The following NAV3 variants were observed in gnomAD, a reference collection of about 807,000 sequenced individuals.
NAV3 encodes neuron navigator 3, also known as pore membrane and/or filament interacting like protein 1.
A neutral mutation model predicts 244.7 loss-of-function variants in NAV3; 87 were observed. That is an observed-to-expected ratio of 0.36 (90% CI 0.30 to 0.42). The LOEUF (loss-of-function observed/expected upper bound fraction) is 0.42. Ranked by LOEUF, NAV3 falls within the 20% of genes least tolerant of loss-of-function variation. The pLI is 1.00. For missense variants in NAV3, 2,663 were observed against 2,893.3 expected (o/e 0.92, Z 1.83); for synonymous variants, 1,126 against 1,042.2 (o/e 1.08, Z -1.55).
chr12:77,856,152 T>C (rs1193441642), intron 1 of NAV3, among the ~76,000 whole-genome samples: 4 of 152,332 alleles, frequency 2.6e-5, no homozygotes, highest in East Asian at 1.9e-4. Flanking sequence ...ATATAACTGG[T>C]AATTCTTTTT....
chr12:77,626,964 TAAAAG>T (rs1871658102), intron 2 of NAV3, among the ~76,000 whole-genome samples: 1 of 151,500 alleles, frequency 6.6e-6, no homozygotes, highest in Non-Finnish European at 1.5e-5. Flanking sequence ...AGCCAAACAA[TAAAAG>T]AAAAAGGGAC....
At chr12:77,843,515 A>C (rs1239978980) in intron 1 of NAV3, among the ~76,000 whole-genome samples, 1 of 151,060 alleles carries the variant, frequency 6.6e-6, no homozygotes, top group Non-Finnish European at 1.5e-5. Context: ...TTTGAATATT[A>C]AATTCCTATT....
At chr12:78,168,647 C>A in intron 23 of NAV3, 108 bp from the exon 24 acceptor site, 2 of 631,098 alleles carry the variant, frequency 3.2e-6, no homozygotes, top group Non-Finnish European at 2.7e-6. Context: ...CCAAATCTTC[C>A]AGGAGGTTGT....
intron 2 of NAV3, among the ~76,000 whole-genome samples, chr12:77,592,834 C>T (rs532666488): frequency 5.1e-4 from 77 of 152,152 alleles, no homozygotes; most frequent in African/African-American, 1.8e-3. Flanking sequence ...CATACAGTGG[C>T]GTATTTTTGT....
At chr12:77,606,851 C>A (rs779538970) in intron 2 of NAV3, among the ~76,000 whole-genome samples, 1 of 152,072 alleles carries the variant, frequency 6.6e-6, no homozygotes, top group Non-Finnish European at 1.5e-5. Flanking sequence ...CTTCTAGGAA[C>A]AGTCTTGAAA....
chr12:77,980,018 G>T (rs1177071663), intron 5 of NAV3, among the ~76,000 whole-genome samples: 1 of 152,174 alleles, frequency 6.6e-6, no homozygotes, highest in African/African-American at 2.4e-5. Flanking sequence ...AAACAGGAAT[G>T]AGGGAGGGAT....
chr12:77,592,403 A>G (rs1869947305), intron 2 of NAV3, among the ~76,000 whole-genome samples: 1 of 152,182 alleles, frequency 6.6e-6, no homozygotes, highest in Non-Finnish European at 1.5e-5. Flanking sequence ...GAATAGGAGA[A>G]TGGTCATTCT....
intron 2 of NAV3, among the ~76,000 whole-genome samples, chr12:77,739,824 G>T (rs1479871466): frequency 1.3e-5 from 2 of 152,072 alleles, no homozygotes; most frequent in African/African-American, 2.4e-5. Context: ...GATCCACATG[G>T]ATAATTGTCT....
chr12:77,820,554 T>C (rs1872697161), intron 2 of NAV3, among the ~76,000 whole-genome samples: 1 of 152,174 alleles, frequency 6.6e-6, no homozygotes, highest in Non-Finnish European at 1.5e-5. Context: ...AGTTTCAACA[T>C]GAAATTTGAA....
intron 12 of NAV3, among the ~76,000 whole-genome samples, chr12:78,082,774 T>C (rs1034382499): frequency 9.2e-5 from 14 of 152,350 alleles, no homozygotes; most frequent in African/African-American, 3.4e-4. Flanking sequence ...ACTATGCTGC[T>C]TAGAATTCAT....
At chr12:77,609,325 A>T (rs1870808014) in intron 2 of NAV3, among the ~76,000 whole-genome samples, 1 of 152,048 alleles carries the variant, frequency 6.6e-6, no homozygotes, top group African/African-American at 2.4e-5. Flanking sequence ...TTAAGCTCCT[A>T]CAACTCCAGT....
chr12:78,039,866 C>T (rs553852711), intron 9 of NAV3, among the ~76,000 whole-genome samples: 1 of 151,916 alleles, frequency 6.6e-6, no homozygotes, highest in South Asian at 2.1e-4. Context: ...ATATACCATT[C>T]TGGAAGATGT....
chr12:77,614,389 G>C (rs2136835983), intron 2 of NAV3, among the ~76,000 whole-genome samples: 1 of 152,142 alleles, frequency 6.6e-6, no homozygotes, highest in African/African-American at 2.4e-5. Flanking sequence ...CCCTTTCAAT[G>C]TGGATGTTAG....
At chr12:77,915,096 ATCT>A (rs1886993591) in intron 1 of NAV3, among the ~76,000 whole-genome samples, 1 of 151,982 alleles carries the variant, frequency 6.6e-6, no homozygotes, top group Non-Finnish European at 1.5e-5. Context: ...ATGCCTTAGG[ATCT>A]TCTTCTCTTC....
chr12:77,980,738 G>A (rs528626928), intron 5 of NAV3, among the ~76,000 whole-genome samples: 6 of 152,158 alleles, frequency 3.9e-5, no homozygotes, highest in Non-Finnish European at 5.9e-5. Context: ...GCATTGTAGC[G>A]TAGTACTTTG....
intron 12 of NAV3, among the ~76,000 whole-genome samples, chr12:78,095,955 G>A (rs1954227726): frequency 6.6e-6 from 1 of 152,162 alleles, no homozygotes; most frequent in South Asian, 2.1e-4. Context: ...GGCAGATCTG[G>A]AAGTAACCTA....
At chr12:78,028,183 T>C (rs1878396174) in intron 9 of NAV3, among the ~76,000 whole-genome samples, 1 of 152,154 alleles carries the variant, frequency 6.6e-6, no homozygotes, top group Admixed American at 6.6e-5. Flanking sequence ...AATGAAGATC[T>C]CAATTGTGTA....
intron 8 of NAV3, among the ~76,000 whole-genome samples, chr12:78,018,513 A>C (rs999184822): frequency 1.3e-5 from 2 of 152,200 alleles, no homozygotes; most frequent in Admixed American, 6.5e-5. Context: ...TTTTTAACTA[A>C]CATGGCCAGA....
At chr12:77,753,967 C>T (rs1462381528) in intron 2 of NAV3, among the ~76,000 whole-genome samples, 1 of 152,132 alleles carries the variant, frequency 6.6e-6, no homozygotes, top group Non-Finnish European at 1.5e-5. Flanking sequence ...TTAAATGTCA[C>T]ATAATTGACT....
Sources: gnomAD v4.1 joint callset for allele counts (sites outside exome capture counted in the v4.1 genomes callset) on GRCh38, gnomAD v4.1.1 for gene constraint, MANE v1.5 for transcripts, NCBI Gene and HGNC (gene_info 2026-07-23, HGNC 2026-07-21) for gene names.